The following PCDH15 variants were observed in gnomAD, a reference collection of about 807,000 sequenced individuals.
PCDH15 encodes protocadherin-15.
Under a neutral mutation model 178.5 loss-of-function variants are expected in PCDH15, and 129 were observed. The ratio of observed to expected loss-of-function variants is 0.72; its 90% CI spans 0.63 to 0.84. The LOEUF is 0.84. PCDH15 is among the 40% of genes least tolerant of loss of function. The probability of loss-of-function intolerance (pLI) is 0.00; values close to 1 mark genes in which losing one functional copy is unlikely to be tolerated. For missense variants in PCDH15, 2,230 were observed against 2,099.9 expected (o/e 1.06, Z -1.21); for synonymous variants, 800 against 732.0 (o/e 1.09, Z -1.50).
At chr10:54,139,477 T>G (rs1469821566) in intron 14 of PCDH15, among the ~76,000 whole-genome samples, 2 of 152,256 alleles carry the variant, frequency 1.3e-5, no homozygotes, top group East Asian at 1.9e-4. Context: ...TTGTTTTTGG[T>G]GCTCATTGGG....
intron 2 of PCDH15, among the ~76,000 whole-genome samples, chr10:54,942,448 A>G (rs561705336): frequency 3.9e-5 from 6 of 151,900 alleles, no homozygotes; most frequent in South Asian, 2.1e-4. Flanking sequence ...TTTCCTGGGG[A>G]CCAGGTTCAT....
intron 3 of PCDH15, among the ~76,000 whole-genome samples, chr10:54,432,558 T>C (rs1388544525): frequency 1.3e-5 from 2 of 152,084 alleles, no homozygotes; most frequent in Non-Finnish European, 2.9e-5. Flanking sequence ...CCCTATCTAC[T>C]GCCATATAGG....
intron 2 of PCDH15, among the ~76,000 whole-genome samples, chr10:54,550,409 T>C (rs1445642765): frequency 6.6e-6 from 1 of 152,132 alleles, no homozygotes; most frequent in Non-Finnish European, 1.5e-5. Flanking sequence ...TAATTTATAT[T>C]TTAAAAATTA....
intron 5 of PCDH15, among the ~76,000 whole-genome samples, chr10:54,363,585 T>C (rs1018007871): frequency 1.3e-5 from 2 of 152,188 alleles, no homozygotes; most frequent in African/African-American, 4.8e-5. Flanking sequence ...AACATGATTT[T>C]TGATATACAC....
intron 2 of PCDH15, among the ~76,000 whole-genome samples, chr10:55,139,280 T>A (rs1453714057): frequency 3.3e-5 from 5 of 152,056 alleles, no homozygotes; most frequent in East Asian, 3.9e-4. Flanking sequence ...TGAGAAAAAA[T>A]TTTACTTTTG....
intron 13 of PCDH15, among the ~76,000 whole-genome samples, chr10:54,166,697 C>T (rs1460225133): frequency 6.6e-6 from 1 of 152,188 alleles, no homozygotes; most frequent in African/African-American, 2.4e-5. Context: ...TGAGCCCAAG[C>T]CAAGCCATCG....
chr10:55,175,669 AAAAAAAAAAGAAAAAG>A (rs1227283223), intron 1 of PCDH15, among the ~76,000 whole-genome samples: 1 of 151,344 alleles, frequency 6.6e-6, no homozygotes, highest in Non-Finnish European at 1.5e-5. Flanking sequence ...GTCTCAAAAA[AAAAAAAAAAGAAAAAG>A]AAAAAAAAAG....
chr10:54,199,555 A>AAACAACAACAAC (rs200906404), intron 10 of PCDH15, among the ~76,000 whole-genome samples: 1 of 137,934 alleles, frequency 7.2e-6, no homozygotes, highest in Non-Finnish European at 1.6e-5. Context: ...TGTTGAATTT[A>AAACAACAACAAC]AACAACAACA....
chr10:55,084,236 A>G (rs1447016271), intron 2 of PCDH15, among the ~76,000 whole-genome samples: 1 of 151,786 alleles, frequency 6.6e-6, no homozygotes, highest in Non-Finnish European at 1.5e-5. Context: ...ACAAAAAAAG[A>G]CATAGACCAA....
At chr10:53,863,899 G>A (rs557089028) in intron 27 of PCDH15, among the ~76,000 whole-genome samples, 3 of 152,260 alleles carry the variant, frequency 2.0e-5, no homozygotes, top group African/African-American at 7.2e-5. Context: ...TGGAGGGTAG[G>A]TAAATTTAGT....
At chr10:54,780,430 CTGTT>C (rs1408581142) in intron 1 of PCDH15, among the ~76,000 whole-genome samples, 1 of 152,106 alleles carries the variant, frequency 6.6e-6, no homozygotes, top group Non-Finnish European at 1.5e-5. Flanking sequence ...ACTGGGAGAA[CTGTT>C]TGTTCTCAAG....
At chr10:54,722,777 T>C (rs1030901975) in intron 1 of PCDH15, among the ~76,000 whole-genome samples, 2 of 151,420 alleles carry the variant, frequency 1.3e-5, no homozygotes, top group Non-Finnish European at 3.0e-5. Flanking sequence ...AAATCAAGAA[T>C]CAATCTCATT....
chr10:54,466,016 T>C (rs1483278504), intron 3 of PCDH15, among the ~76,000 whole-genome samples: 2 of 152,030 alleles, frequency 1.3e-5, no homozygotes, highest in African/African-American at 2.4e-5. Flanking sequence ...TTTTTTCATA[T>C]ATATGTAGGT....
intron 2 of PCDH15, among the ~76,000 whole-genome samples, chr10:55,602,481 T>C (rs1843109672): frequency 6.6e-6 from 1 of 152,126 alleles, no homozygotes; most frequent in Non-Finnish European, 1.5e-5. Flanking sequence ...CAGACTTAAA[T>C]GTCCCTGTCT....
At chr10:54,614,735 C>T (rs1461577265) in intron 2 of PCDH15, among the ~76,000 whole-genome samples, 2 of 151,872 alleles carry the variant, frequency 1.3e-5, no homozygotes, top group East Asian at 1.9e-4. Context: ...GAAATTCCCA[C>T]CAAGAGTCAA....
intron 2 of PCDH15, among the ~76,000 whole-genome samples, chr10:54,985,891 A>G (rs1038922765): frequency 6.6e-6 from 1 of 152,214 alleles, no homozygotes; most frequent in African/African-American, 2.4e-5. Context: ...AACAAACAGG[A>G]CATGCCTTAT....
At chr10:55,339,369 C>CCGACA (rs1363284081) in intron 2 of PCDH15, among the ~76,000 whole-genome samples, 12 of 151,812 alleles carry the variant, frequency 7.9e-5, no homozygotes, top group Non-Finnish European at 1.2e-4. Flanking sequence ...GACCAAGGAT[C>CCGACA]TAGTAATGAG....
chr10:55,593,995 A>C (rs1417783597), intron 2 of PCDH15, among the ~76,000 whole-genome samples: 1 of 151,926 alleles, frequency 6.6e-6, no homozygotes, highest in Non-Finnish European at 1.5e-5. Flanking sequence ...TGAGGACTAC[A>C]TACATATCTT....
At chr10:55,466,601 G>C (rs1839835880) in intron 2 of PCDH15, among the ~76,000 whole-genome samples, 1 of 152,062 alleles carries the variant, frequency 6.6e-6, no homozygotes, top group South Asian at 2.1e-4. Context: ...GGTCAAATTA[G>C]AATAAAAATA....
Sources: allele counts gnomAD v4.1 joint callset (sites outside exome capture counted in the v4.1 genomes callset), GRCh38; gene constraint gnomAD v4.1.1; transcripts MANE v1.5; gene names NCBI Gene and HGNC (gene_info 2026-07-23, HGNC 2026-07-21).